CSMD1: variants seen among roughly 807,000 people sequenced by gnomAD.
CSMD1 encodes CUB and Sushi multiple domains 1.
CSMD1 carries 213 observed loss-of-function variants against 417.5 expected under a neutral mutation model. The ratio of observed to expected loss-of-function variants is 0.51; its 90% confidence interval spans 0.46 to 0.57. The LOEUF is 0.57. Among genes scored for constraint, CSMD1 ranks in the 20% least tolerant of loss-of-function variants. The pLI is 0.00. For missense variants in CSMD1, 6,923 were observed against 4,529.7 expected (o/e 1.53, Z -15.17); for synonymous variants, 2,862 against 1,736.8 (o/e 1.65, Z -16.11).
chr8:4,312,440 T>C lies in CSMD1; in HGVS notation c.415+107513A>G, dbSNP rs555399143. 4.4e-5 allele frequency among the ~76,000 whole-genome samples: 5 copies of C among 114,922 alleles called. 1 individual carries two copies. The highest frequency in any genetic ancestry group is 4.6e-4 in the South Asian group (2 of 4,338). 75.4% of individuals were successfully genotyped at this position (114,922 alleles called of 152,430 possible). A position where few individuals can be genotyped will look rare whatever the true frequency, so the allele number is the denominator to read the frequency against. On this transcript the variant is annotated intron_variant, in intron 3 of 69. Transcript: ENST00000635120. ...ATATATGCGCGTATATATATATGCG[T>C]ATATATATACGTATATATATGCGCG...
chr8:3,230,104 G>C lies in CSMD1; in HGVS notation c.4281C>G (p.Ala1427=). The stretch of plus-strand genomic sequence containing the variant: ...TATTCAGCTGCACACAGGTGATTTT[G>C]GCTTGTCCTTGGAGCTGATAGCCAG... ...CDPGYQLQGQ[A]KITCVQLNNR... is the part of the protein sequence containing the mutation. The change falls in exon 27 of 70, where the codon GCC becomes GCG. Residue 1427 remains alanine (A), a synonymous_variant. Transcript: ENST00000635120. 3 of 1,613,558 alleles carry C rather than the reference G, an allele frequency of 1.9e-6. No individual in the cohort carries two copies. Among genetic ancestry groups the C allele is most frequent in the Non-Finnish European group, 2.5e-6 (3 of 1,179,682 alleles).
intron 20 of CSMD1, among the ~76,000 whole-genome samples, chr8:3,365,966 T>C (rs1011992755): frequency 6.6e-6 from 1 of 152,150 alleles, no homozygotes; most frequent in African/African-American, 2.4e-5. Flanking sequence ...TCAGTTTTGG[T>C]TTGGGAGATA....
intron 12 of CSMD1, among the ~76,000 whole-genome samples, chr8:3,441,475 C>T (rs981417276): frequency 1.4e-5 from 2 of 142,094 alleles, no homozygotes; most frequent in Admixed American, 1.5e-4. Context: ...ACTTCATTTG[C>T]TTATGGCATA....
intron 12 of CSMD1, among the ~76,000 whole-genome samples, chr8:3,415,265 A>T (rs1261562261): frequency 1.3e-5 from 2 of 152,150 alleles, no homozygotes; most frequent in Non-Finnish European, 2.9e-5. Flanking sequence ...TTTTCTTGAG[A>T]ACACCTATAC....
chr8:4,008,962 A>C (rs964551298), intron 4 of CSMD1, among the ~76,000 whole-genome samples: 1 of 152,140 alleles, frequency 6.6e-6, no homozygotes, highest in African/African-American at 2.4e-5. Flanking sequence ...CAAAGAGTTA[A>C]TGTTTACAAA....
chr8:4,054,099 T>C (rs892754689), intron 3 of CSMD1, among the ~76,000 whole-genome samples: 4 of 152,178 alleles, frequency 2.6e-5, no homozygotes, highest in Non-Finnish European at 5.9e-5. Flanking sequence ...CTACACCAGC[T>C]GCTAATGGTC....
chr8:4,653,932 A>G (rs1159443313), intron 1 of CSMD1, among the ~76,000 whole-genome samples: 1 of 152,084 alleles, frequency 6.6e-6, no homozygotes, highest in Non-Finnish European at 1.5e-5. Context: ...ACCAAAGTAT[A>G]ATATCACAGA....
chr8:3,065,108 G>C (rs952608159), intron 49 of CSMD1, among the ~76,000 whole-genome samples: 2 of 151,962 alleles, frequency 1.3e-5, no homozygotes, highest in Non-Finnish European at 2.9e-5. Flanking sequence ...CACATCTAAA[G>C]AAGAAATAAA....
At chr8:3,243,660 C>T (rs1343248761) in intron 26 of CSMD1, among the ~76,000 whole-genome samples, 1 of 152,026 alleles carries the variant, frequency 6.6e-6, no homozygotes, top group Non-Finnish European at 1.5e-5. Flanking sequence ...TGGATGTGTA[C>T]ATGCAGGTCA....
intron 10 of CSMD1, among the ~76,000 whole-genome samples, chr8:3,519,259 A>G (rs574258976): frequency 3.3e-5 from 5 of 152,314 alleles, no homozygotes; most frequent in Non-Finnish European, 7.4e-5. Context: ...TGTCCTGTTC[A>G]TATTTTTCTT....
At chr8:3,770,436 G>T (rs1018627242) in intron 5 of CSMD1, among the ~76,000 whole-genome samples, 2 of 152,158 alleles carry the variant, frequency 1.3e-5, no homozygotes, top group Non-Finnish European at 2.9e-5. Context: ...GGCTGAGGCA[G>T]AAGATTCTCT....
At chr8:3,553,350 TA>T (rs1799000875) in intron 10 of CSMD1, among the ~76,000 whole-genome samples, 1 of 152,192 alleles carries the variant, frequency 6.6e-6, no homozygotes. Context: ...GAGAAGTCAT[TA>T]ACTGCCTTTT....
chr8:4,824,612 G>A (rs986277832), intron 1 of CSMD1, among the ~76,000 whole-genome samples: 2 of 152,102 alleles, frequency 1.3e-5, no homozygotes, highest in Non-Finnish European at 2.9e-5. Context: ...TAGTTGATGA[G>A]GTCTGTGTAT....
chr8:4,486,208 TATATATATATATATATACATAC>T (rs1801395823), intron 2 of CSMD1, among the ~76,000 whole-genome samples: 13 of 10,764 alleles, frequency 1.2e-3, no homozygotes, highest in Admixed American at 2.1e-3. Context: ...TACATACATA[TATATATATATATATATACATAC>T]ATATATATAT....
At chr8:3,492,764 C>T (rs1205465890) in intron 11 of CSMD1, among the ~76,000 whole-genome samples, 1 of 152,134 alleles carries the variant, frequency 6.6e-6, no homozygotes, top group Non-Finnish European at 1.5e-5. Flanking sequence ...CACAGCAAGG[C>T]TGTCACCGTG....
At chr8:4,281,962 G>T (rs1447715512) in intron 3 of CSMD1, among the ~76,000 whole-genome samples, 1 of 152,136 alleles carries the variant, frequency 6.6e-6, no homozygotes, top group Admixed American at 6.5e-5. Context: ...GCTTGATCAG[G>T]TTTACCAATT....
intron 26 of CSMD1, among the ~76,000 whole-genome samples, chr8:3,255,161 A>T (rs1800558357): frequency 6.6e-6 from 1 of 152,216 alleles, no homozygotes. Context: ...CCTGGGTATC[A>T]GTAGCAGAGG....
chr8:3,217,075 C>G (rs999670217), intron 29 of CSMD1, among the ~76,000 whole-genome samples: 5 of 152,026 alleles, frequency 3.3e-5, no homozygotes, highest in African/African-American at 1.2e-4. Flanking sequence ...CATCACTGCT[C>G]CAGGCTGGAT....
intron 2 of CSMD1, among the ~76,000 whole-genome samples, chr8:4,444,144 C>T (rs1319068105): frequency 6.6e-6 from 1 of 151,832 alleles, no homozygotes; most frequent in African/African-American, 2.4e-5. Context: ...AAATTTGAGA[C>T]CACTCTGGCC....
Sources: gnomAD v4.1 joint callset for allele counts (sites outside exome capture counted in the v4.1 genomes callset) on GRCh38, gnomAD v4.1.1 for gene constraint, MANE v1.5 for transcripts, NCBI Gene and HGNC (gene_info 2026-07-23, HGNC 2026-07-21) for gene names.